NCKAP5: variants seen among roughly 807,000 people sequenced by gnomAD.
The protein encoded by NCKAP5 is NCK associated protein 5.
In NCKAP5, 92 loss-of-function variants were observed where a neutral mutation model predicts 167.0. The observed-to-expected ratio is 0.55, with a 90% CI of 0.47 to 0.66. The LOEUF (loss-of-function observed/expected upper bound fraction) is 0.66. Ranked by LOEUF, NCKAP5 falls within the 30% of genes least tolerant of loss-of-function variation. NCKAP5 has a pLI of 0.00. For missense variants in NCKAP5, 2,378 were observed against 2,315.0 expected (o/e 1.03, Z -0.56); for synonymous variants, 891 against 877.4 (o/e 1.02, Z -0.27).
In NCKAP5 at chr2:133,145,392, C is replaced by T. The variant is rs540529588; in HGVS notation, c.208-15281G>A. Among the ~76,000 whole-genome samples, 12 of 152,058 alleles carry T rather than the reference C, an allele frequency of 7.9e-5. No homozygotes were observed. The South Asian group carries it at 8.3e-4, about 11-fold the overall frequency. On this transcript the variant is annotated intron_variant, in intron 5 of 19. Coordinates refer to ENST00000409261, the MANE Select transcript of NCKAP5 (RefSeq NM_207363.3). ...CATTAGGACAAACACCTAATGCATG[C>T]GGGGCTTAAAACCTAGATGATGGAT...
At chr2:132,927,859 TCA>T (rs2149039581) in intron 8 of NCKAP5, among the ~76,000 whole-genome samples, 1 of 152,290 alleles carries the variant, frequency 6.6e-6, no homozygotes, top group South Asian at 2.1e-4. Flanking sequence ...GCAAAGGGGT[TCA>T]CCAAGATAAG....
chr2:132,784,026 G>C lies in NCKAP5; in HGVS notation c.2785C>G (p.Pro929Ala). The change falls in exon 14 of 20, where the codon CCT becomes GCT. Residue 929 changes from proline to alanine, a missense_variant. This residue lies in a region of NCKAP5 where 1,325 missense variants were observed against 1,274.5 expected (regional missense o/e 1.04). Coordinates refer to ENST00000409261, the MANE Select transcript of NCKAP5 (RefSeq NM_207363.3). ...GPEAGVKSPS[P>A]PPPPGRSVSL... ...ACGGACCTGCCTGGAGGGGGCGGAG[G>C]GGAAGGGGATTTCACCCCTGCCTCC... 1 of 1,558,314 alleles carries C rather than the reference G, an allele frequency of 6.4e-7. No homozygotes were observed. The highest frequency in any genetic ancestry group is 8.7e-7 in the Non-Finnish European group (1 of 1,155,986).
chr2:133,259,396 T>C (rs111394859), intron 4 of NCKAP5, among the ~76,000 whole-genome samples: 231 of 152,364 alleles, frequency 1.5e-3, no homozygotes, highest in African/African-American at 5.3e-3. Context: ...TTACATATTA[T>C]AACTAATTAC....
At chr2:133,046,776 G>A (rs543415198) in intron 6 of NCKAP5, among the ~76,000 whole-genome samples, 3 of 152,188 alleles carry the variant, frequency 2.0e-5, no homozygotes, top group African/African-American at 4.8e-5. Context: ...TGCCAATTAC[G>A]TAGATGATTT....
At chr2:133,226,447 C>G (rs1480370165) in intron 4 of NCKAP5, among the ~76,000 whole-genome samples, 1 of 151,910 alleles carries the variant, frequency 6.6e-6, no homozygotes, top group Non-Finnish European at 1.5e-5. Flanking sequence ...AAGTGTCCCC[C>G]AAAAATGCAT....
At chr2:133,005,989 G>A (rs1197674554) in intron 6 of NCKAP5, among the ~76,000 whole-genome samples, 1 of 152,144 alleles carries the variant, frequency 6.6e-6, no homozygotes, top group South Asian at 2.1e-4. Context: ...GGGCATGGTG[G>A]CTCACACTAG....
At chr2:133,570,662 T>C (rs1025137381), upstream of NCKAP5, among the ~76,000 whole-genome samples, 3 of 152,234 alleles carry the variant, frequency 2.0e-5, no homozygotes, top group African/African-American at 7.2e-5. Flanking sequence ...GCAATCCTGT[T>C]TGACAAATGA....
chr2:132,677,264 T>C (rs1019523360), intron 19 of NCKAP5, among the ~76,000 whole-genome samples: 2 of 152,160 alleles, frequency 1.3e-5, no homozygotes, highest in Non-Finnish European at 2.9e-5. Context: ...ACAGACAAGA[T>C]GCAAATACAT....
intron 3 of NCKAP5, among the ~76,000 whole-genome samples, chr2:133,352,517 G>T (rs1303288276): frequency 1.3e-5 from 2 of 152,358 alleles, no homozygotes; most frequent in East Asian, 1.9e-4. Flanking sequence ...TCTAGAGTGT[G>T]TTGGGTAGAG....
intron 4 of NCKAP5, among the ~76,000 whole-genome samples, chr2:133,257,991 C>A (rs527371770): frequency 6.6e-6 from 1 of 152,248 alleles, no homozygotes; most frequent in East Asian, 1.9e-4. Flanking sequence ...TACATAAGCC[C>A]ATTCCAGTGC....
chr2:133,416,019 T>A (rs1689087004), intron 3 of NCKAP5, among the ~76,000 whole-genome samples: 1 of 152,232 alleles, frequency 6.6e-6, no homozygotes. Context: ...GAATAAAATA[T>A]TTCTGATGTT....
intron 5 of NCKAP5, among the ~76,000 whole-genome samples, chr2:133,203,322 T>C (rs936362148): frequency 6.6e-6 from 1 of 151,912 alleles, no homozygotes; most frequent in Non-Finnish European, 1.5e-5. Context: ...TTCTCACTCA[T>C]AGGTGGGAAC....
chr2:133,159,507 A>C (rs1176462320), intron 5 of NCKAP5, among the ~76,000 whole-genome samples: 1 of 152,202 alleles, frequency 6.6e-6, no homozygotes, highest in Admixed American at 6.5e-5. Context: ...CTATGGCAGC[A>C]ATAGGAAACT....
intron 3 of NCKAP5, among the ~76,000 whole-genome samples, chr2:133,430,708 C>G (rs1291703285): frequency 6.6e-6 from 1 of 152,052 alleles, no homozygotes; most frequent in African/African-American, 2.4e-5. Flanking sequence ...TCAGTGTTCT[C>G]TATTCTGTTC....
chr2:133,320,524 C>G (rs190146590), intron 3 of NCKAP5, among the ~76,000 whole-genome samples: 11 of 152,202 alleles, frequency 7.2e-5, no homozygotes, highest in East Asian at 3.9e-4. Flanking sequence ...GTCAGGAGAT[C>G]GAGACCATCC....
At chr2:132,891,734 G>A (rs989678761) in intron 8 of NCKAP5, among the ~76,000 whole-genome samples, 1 of 152,192 alleles carries the variant, frequency 6.6e-6, no homozygotes, top group African/African-American at 2.4e-5. Context: ...AAGTCAGCTC[G>A]ATAATTTCCT....
chr2:133,374,748 A>T (rs1686029688), intron 3 of NCKAP5, among the ~76,000 whole-genome samples: 5 of 152,158 alleles, frequency 3.3e-5, no homozygotes, highest in Admixed American at 2.6e-4. Flanking sequence ...TCTACTAAAA[A>T]CAAACAGAAA....
intron 6 of NCKAP5, among the ~76,000 whole-genome samples, chr2:133,043,355 AG>A (rs1040858326): frequency 6.6e-6 from 1 of 152,200 alleles, no homozygotes; most frequent in African/African-American, 2.4e-5. Context: ...GAACTTCTCT[AG>A]TACTTACAGA....
chr2:132,723,521 G>A (rs1015966571), intron 19 of NCKAP5, among the ~76,000 whole-genome samples: 1 of 152,048 alleles, frequency 6.6e-6, no homozygotes, highest in Non-Finnish European at 1.5e-5. Flanking sequence ...TGTGTTGTAC[G>A]AGCCACATGT....
Sources: gnomAD v4.1 joint callset for allele counts (sites outside exome capture counted in the v4.1 genomes callset) on GRCh38, gnomAD v4.1.1 for gene constraint, gnomAD v4.1.1 regional missense constraint, MANE v1.5 for transcripts, NCBI Gene and HGNC (gene_info 2026-07-23, HGNC 2026-07-21) for gene names.